SERPINA6: variants seen among roughly 807,000 people sequenced by gnomAD.
SERPINA6 encodes serpin family A member 6, also known as corticosteroid-binding globulin.
Under a neutral mutation model 26.4 loss-of-function variants are expected in SERPINA6, and 19 were observed. The ratio of observed to expected loss-of-function variants is 0.72; its 90% CI spans 0.50 to 1.06. SERPINA6 has a LOEUF of 1.06. Ranked by LOEUF, SERPINA6 falls within the 50% of genes least tolerant of loss-of-function variation. The pLI is 0.00. For synonymous variants in SERPINA6, 196 were observed against 199.4 expected (o/e 0.98, Z 0.14); for missense variants, 473 against 504.0 (o/e 0.94, Z 0.59).
chr14:94,319,189 G>A (rs970601236), intron 1 of SERPINA6, among the ~76,000 whole-genome samples: 14 of 152,314 alleles, frequency 9.2e-5, no homozygotes, highest in African/African-American at 2.4e-4. Flanking sequence ...ATGATGGCCC[G>A]TGCCTGTAAT....
rs1291381602 is a variant in SERPINA6, at chr14:94,304,588, C to A, written c.1048G>T (p.Val350Leu). Residue 350 changes from valine (V) to leucine (L), a missense_variant, in exon 5 of 5, where the codon GTG (valine) becomes TTG (leucine). Transcript: ENST00000341584. ...LKSSKVVHKA[V>L]LQLNEEGVDT... ...ACACCCTCCTCATTGAGTTGCAGCA[C>A]AGCTTTATGGACCACCTGTTAGGTA... 2 of 1,614,128 alleles carry A rather than the reference C, an allele frequency of 1.2e-6. No homozygotes were observed. Among genetic ancestry groups the A allele is most frequent in the Admixed American group, 1.7e-5 (1 of 60,014 alleles).
intron 1 of SERPINA6, among the ~76,000 whole-genome samples, chr14:94,323,028 T>C (rs1249768144): frequency 6.6e-6 from 1 of 152,200 alleles, no homozygotes; most frequent in East Asian, 1.9e-4. Flanking sequence ...GCCCTCTGTG[T>C]CAGCCCCCTG....
chr14:94,317,444 G>A (rs1895627943), intron 1 of SERPINA6, among the ~76,000 whole-genome samples: 1 of 152,188 alleles, frequency 6.6e-6, no homozygotes, highest in Non-Finnish European at 1.5e-5. Context: ...GGAAGTTTGT[G>A]CCCTTTGCAG....
rs763250356 is a variant in SERPINA6, at chr14:94,314,357, T to G, written c.292A>C (p.Thr98Pro). The G allele has an allele frequency of 9.9e-6, 16 of 1,614,066 alleles. No homozygotes were observed. Among genetic ancestry groups the G allele is most frequent in the Non-Finnish European group, 1.4e-5 (16 of 1,179,988 alleles). The change falls in exon 2 of 5, where the codon ACT becomes CCT. Residue 98 changes from threonine to proline, a missense_variant. By Grantham distance (38) the Thr-to-Pro change is conservative. Transcript: ENST00000341584. The stretch of plus-strand genomic sequence containing the variant: ...TGGATCTCAGTCTCAGACCTCTCAG[T>G]GAGGTTGAAACCCAGGCCCTGGAGA... Reference protein sequence around the residue: ...QLLQGLGFNLTERSETEIHQG... With the variant: ...QLLQGLGFNLPERSETEIHQG...
At chr14:94,316,457 G>A (rs2139725148) in intron 1 of SERPINA6, among the ~76,000 whole-genome samples, 1 of 152,226 alleles carries the variant, frequency 6.6e-6, no homozygotes, top group Non-Finnish European at 1.5e-5. Context: ...ATGAGATATT[G>A]AAGTGTCTAA....
chr14:94,316,838 C>T (rs904805940), intron 1 of SERPINA6, among the ~76,000 whole-genome samples: 3 of 152,088 alleles, frequency 2.0e-5, no homozygotes, highest in African/African-American at 7.2e-5. Flanking sequence ...GTTTACCAGC[C>T]CTGAACACTG....
intron 2 of SERPINA6, among the ~76,000 whole-genome samples, chr14:94,311,873 G>A (rs1273369539): frequency 2.6e-5 from 4 of 152,178 alleles, no homozygotes; most frequent in African/African-American, 4.8e-5. Context: ...GCATGAACCC[G>A]GGAGGCGGAG....
chr14:94,305,998 G>T (rs916407569), intron 4 of SERPINA6, 73 bp downstream of exon 4: 14 of 1,571,620 alleles, frequency 8.9e-6, no homozygotes, highest in Non-Finnish European at 1.2e-5. Context: ...CGAACTCAGT[G>T]CCACTTCCTA....
At chr14:94,323,211 C>G (rs905841422) in intron 1 of SERPINA6, 56 bp downstream of exon 1, 5 of 152,396 alleles carry the variant, frequency 3.3e-5, no homozygotes, top group African/African-American at 9.6e-5. Context: ...GCAGCCATGG[C>G]TTTGCTCTGG....
chr14:94,304,278 G>A lies in SERPINA6; in HGVS notation c.*140C>T, dbSNP rs532985180. The A allele has an allele frequency of 2.4e-6, 2 of 846,990 alleles. No homozygotes were observed. Among genetic ancestry groups the A allele is most frequent in the Non-Finnish European group, 2.0e-6 (1 of 495,262 alleles). The allele number at this position is 846,990 out of a possible 1,614,324, so 52.5% of individuals were successfully genotyped here. A position where few individuals can be genotyped will look rare whatever the true frequency, so the allele number is the denominator to read the frequency against. On this transcript the variant is annotated 3_prime_UTR_variant, in exon 5 of 5. Coordinates refer to ENST00000341584, the MANE Select transcript of SERPINA6 (RefSeq NM_001756.4). ...GTCGCAATGACATTTATTAAAAGAT[G>A]CCTAAAGTTAGACACAACTCTGGTT... is the stretch of plus-strand genomic sequence containing the variant.
intron 1 of SERPINA6, among the ~76,000 whole-genome samples, chr14:94,316,601 G>A (rs1364404691): frequency 6.6e-6 from 1 of 152,138 alleles, no homozygotes; most frequent in Non-Finnish European, 1.5e-5. Context: ...TTCATATGTG[G>A]AAACCTATTC....
Position 94,304,489 on chromosome 14 carries a change from A to AG in SERPINA6, c.1146dup (p.Phe383LeufsTer74), listed in dbSNP as rs750327681. The AG allele has an allele frequency of 6.2e-7, 1 of 1,614,160 alleles. No homozygotes were observed. Among genetic ancestry groups the AG allele is most frequent in the Non-Finnish European group, 8.5e-7 (1 of 1,180,032 alleles). On this transcript the variant is annotated frameshift_variant, in exon 5 of 5. Transcript: ENST00000341584. LOFTEE classifies it low-confidence loss of function (END_TRUNC). ...AAGTGGTCGAAGATCATGATGATGA[A>AG]GGGCTGGTTGAAACGCAAGATGATA...
At chr14:94,313,572 C>G (rs1895563477) in intron 2 of SERPINA6, among the ~76,000 whole-genome samples, 1 of 152,186 alleles carries the variant, frequency 6.6e-6, no homozygotes, top group Admixed American at 6.5e-5. Flanking sequence ...GTGCATTCCC[C>G]CCTAGAGCTT....
Position 94,310,017 on chromosome 14 carries a change from G to C in SERPINA6, c.614-11C>G. ...GCTGTGTCCATGTGCCTAGGAAGAG[G>C]AGGAGACAGGTCTGTAGGGCAGAGA... On this transcript the variant is annotated splice_polypyrimidine_tract_variant and intron_variant, in intron 2 of 4. Transcript: ENST00000341584. The C allele has an allele frequency of 6.2e-7, 1 of 1,613,934 alleles. No homozygotes were observed. Among genetic ancestry groups the C allele is most frequent in the Non-Finnish European group, 8.5e-7 (1 of 1,179,950 alleles).
At chr14:94,314,740 A>C in intron 1 of SERPINA6, 73 bp from the exon 2 acceptor site, 1 of 1,449,332 alleles carries the variant, frequency 6.9e-7, no homozygotes, top group Non-Finnish European at 9.6e-7. Flanking sequence ...AAGAGGAGGC[A>C]GGCAAAAGAC....
chr14:94,322,068 A>C lies in SERPINA6; in HGVS notation c.-20+1199T>G, dbSNP rs371234359. ...AATGGGTCATCCTGGGGCCCATTTT[A>C]CAGATGAGAAAACTGAGATCCAGGG... On this transcript the variant is annotated intron_variant, in intron 1 of 4. Transcript: ENST00000341584. Among the ~76,000 whole-genome samples, 12 of 152,216 alleles carry C rather than the reference A, an allele frequency of 7.9e-5. No individual in the cohort carries two copies. In the East Asian group the frequency reaches 1.7e-3, roughly 22 times the overall value.
At chr14:94,317,736 A>G (rs1448714363) in intron 1 of SERPINA6, among the ~76,000 whole-genome samples, 1 of 152,226 alleles carries the variant, frequency 6.6e-6, no homozygotes, top group Admixed American at 6.5e-5. Context: ...ACGTATTTAT[A>G]AAACCTTTTA....
Position 94,309,884 on chromosome 14 carries a change from A to G in SERPINA6, c.736T>C (p.Ser246Pro). The change falls in exon 3 of 5, where the codon TCG becomes CCG. Residue 246 changes from serine to proline, a missense_variant. Coordinates refer to ENST00000341584, the MANE Select transcript of SERPINA6 (RefSeq NM_001756.4). ...QSSTISYLHD[S>P]ELPCQLVQMN... ...TGCACCAGCTGGCAGGGGAGCTCCGAGTCATGAAGGTAACTGATGGTGCTC... is the reference window on the plus strand; with the variant it reads ...TGCACCAGCTGGCAGGGGAGCTCCGGGTCATGAAGGTAACTGATGGTGCTC... 11 of 1,613,900 alleles carry G rather than the reference A, an allele frequency of 6.8e-6. No individual in the cohort carries two copies. The highest frequency in any genetic ancestry group is 9.3e-6 in the Non-Finnish European group (11 of 1,179,956).
chr14:94,306,381 C>A (rs1162007284), intron 3 of SERPINA6, among the ~76,000 whole-genome samples, 163 bp from the exon 4 acceptor site: 1 of 152,196 alleles, frequency 6.6e-6, no homozygotes, highest in Non-Finnish European at 1.5e-5. Flanking sequence ...AGGGACAGAG[C>A]AGGAGGCAGG....
Sources: gnomAD v4.1 joint callset for allele counts (sites outside exome capture counted in the v4.1 genomes callset) on GRCh38, gnomAD v4.1.1 for gene constraint, MANE v1.5 for transcripts, NCBI Gene and HGNC (gene_info 2026-07-23, HGNC 2026-07-21) for gene names.